The following ADAMTS12 variants were observed in gnomAD, a reference collection of about 807,000 sequenced individuals.
ADAMTS12 encodes the protein A disintegrin and metalloproteinase with thrombospondin motifs 12.
A neutral mutation model predicts 167.8 loss-of-function variants in ADAMTS12; 118 were observed. The ratio of observed to expected loss-of-function variants is 0.70; its 90% CI spans 0.61 to 0.82. The LOEUF (loss-of-function observed/expected upper bound fraction) is 0.82. Among genes scored for constraint, ADAMTS12 ranks in the 40% least tolerant of loss-of-function variants. The pLI is 0.00. For missense variants in ADAMTS12, 1,916 were observed against 1,998.8 expected, an observed-to-expected ratio of 0.96 and a Z score of 0.79; for synonymous variants, 704 against 716.9, an observed-to-expected ratio of 0.98 and a Z score of 0.29.
At chr5:33,815,274 G>A (rs1747605545) in intron 2 of ADAMTS12, among the ~76,000 whole-genome samples, 1 of 152,192 alleles carries the variant, frequency 6.6e-6, no homozygotes, top group Admixed American at 6.5e-5. Flanking sequence ...ATAGATTGAA[G>A]CCCCAATCCC....
In ADAMTS12 at chr5:33,617,216, C is replaced by CTT. The variant is rs71600917; in HGVS notation, c.2144-1146_2144-1145dup. On this transcript the variant is annotated intron_variant, in intron 14 of 23. Coordinates refer to ENST00000504830, the MANE Select transcript of ADAMTS12 (RefSeq NM_030955.4). Reference sequence around the variant, plus strand: ...AGTTAACTATTCTTTGTTCTTTCAACTTTTTTTTTTTTTTAAATATAAAAT... The same window carrying CTT: ...AGTTAACTATTCTTTGTTCTTTCAACTTTTTTTTTTTTTTTTAAATATAAAAT... Among the ~76,000 whole-genome samples, 268 of 144,764 alleles carry CTT rather than the reference C, an allele frequency of 1.9e-3. 3 individuals carry two copies. Among genetic ancestry groups the CTT allele is most frequent in the African/African-American group, 6.3e-3 (249 of 39,650 alleles). The allele number at this position is 144,764 out of a possible 152,430, so 95.0% of individuals were successfully genotyped here. A position where few individuals can be genotyped will look rare whatever the true frequency, so the allele number is the denominator to read the frequency against.
chr5:33,789,181 T>A (rs75819396), intron 2 of ADAMTS12, among the ~76,000 whole-genome samples: 26 of 145,656 alleles, frequency 1.8e-4, no homozygotes, highest in African/African-American at 5.6e-4. Context: ...GAAAGGTCTC[T>A]CACACACACT....
chr5:33,865,365 AC>A (rs1165453984), intron 2 of ADAMTS12, among the ~76,000 whole-genome samples: 1 of 152,148 alleles, frequency 6.6e-6, no homozygotes, highest in African/African-American at 2.4e-5. Context: ...AAAAACAAAA[AC>A]CATATGATCA....
In ADAMTS12 at chr5:33,587,296, A is replaced by G. The variant is rs145734593; in HGVS notation, c.2865+1303T>C. On this transcript the variant is annotated intron_variant, in intron 18 of 23. Transcript: ENST00000504830. ...CAATCTGTCACATATTTATCATCAA[A>G]TATTTTTTAAACACAAAGATTTTGA... 4.7e-3 allele frequency among the ~76,000 whole-genome samples: 711 copies of G among 152,298 alleles called. 5 individuals are homozygous for G. Among genetic ancestry groups the G allele is most frequent in the African/African-American group, 0.017 (690 of 41,560 alleles).
intron 3 of ADAMTS12, among the ~76,000 whole-genome samples, chr5:33,702,801 T>A (rs1416721670): frequency 6.6e-6 from 1 of 152,220 alleles, no homozygotes; most frequent in Admixed American, 6.5e-5. Flanking sequence ...ACCTCTTGAC[T>A]AGAAATTTCT....
intron 16 of ADAMTS12, among the ~76,000 whole-genome samples, chr5:33,606,055 C>T (rs1738423971): frequency 6.6e-6 from 1 of 152,166 alleles, no homozygotes; most frequent in African/African-American, 2.4e-5. Flanking sequence ...TCAAGCAAAT[C>T]TCCTCCCTCA....
intron 15 of ADAMTS12, among the ~76,000 whole-genome samples, chr5:33,614,915 T>C (rs73080384): frequency 0.018 from 2,697 of 152,294 alleles, 88 homozygotes; most frequent in African/African-American, 0.062. Context: ...ATTATGTTTG[T>C]TATTGTTGTC....
chr5:33,628,495 C>T (rs898386542), intron 13 of ADAMTS12, among the ~76,000 whole-genome samples: 1 of 152,130 alleles, frequency 6.6e-6, no homozygotes, highest in African/African-American at 2.4e-5. Context: ...TTGATAATTT[C>T]CTTGACAATA....
intron 3 of ADAMTS12, among the ~76,000 whole-genome samples, chr5:33,734,727 A>G (rs1005484760): frequency 1.8e-4 from 27 of 152,326 alleles, no homozygotes; most frequent in Admixed American, 4.6e-4. Context: ...GCCTGAGAGG[A>G]AGGGGCTATA....
intron 5 of ADAMTS12, among the ~76,000 whole-genome samples, chr5:33,676,961 C>T (rs1490875656): frequency 6.6e-6 from 1 of 152,102 alleles, no homozygotes; most frequent in East Asian, 1.9e-4. Flanking sequence ...GCTGTCAGCC[C>T]TACTGCTGTA....
At chr5:33,573,677 T>C (rs576854687) in intron 19 of ADAMTS12, among the ~76,000 whole-genome samples, 12 of 152,274 alleles carry the variant, frequency 7.9e-5, no homozygotes, top group Non-Finnish European at 1.3e-4. Context: ...ATTCAGGACA[T>C]AGGCATGGGC....
intron 9 of ADAMTS12, among the ~76,000 whole-genome samples, chr5:33,646,980 A>G (rs932200015): frequency 5.3e-5 from 8 of 152,182 alleles, no homozygotes; most frequent in African/African-American, 1.9e-4. Flanking sequence ...TTAAATATGC[A>G]TAATTGGACA....
At chr5:33,626,276 G>C (rs1561177749) in intron 13 of ADAMTS12, among the ~76,000 whole-genome samples, 1 of 151,616 alleles carries the variant, frequency 6.6e-6, no homozygotes, top group South Asian at 2.1e-4. Context: ...AGTGGTGGGG[G>C]TGGTGGTGGT....
chr5:33,800,366 G>A (rs1387433323), intron 2 of ADAMTS12, among the ~76,000 whole-genome samples: 2 of 152,160 alleles, frequency 1.3e-5, no homozygotes, highest in Non-Finnish European at 2.9e-5. Flanking sequence ...AATCAGGACC[G>A]GAAGACATGA....
At chr5:33,807,860 A>G (rs112459367) in intron 2 of ADAMTS12, among the ~76,000 whole-genome samples, 2 of 152,188 alleles carry the variant, frequency 1.3e-5, no homozygotes, top group African/African-American at 4.8e-5. Context: ...AGGAGAGTGC[A>G]GTTATCTGAC....
At chr5:33,530,269 T>G (rs75115321) in intron 23 of ADAMTS12, among the ~76,000 whole-genome samples, 1 of 152,168 alleles carries the variant, frequency 6.6e-6, no homozygotes, top group African/African-American at 2.4e-5. Flanking sequence ...AAATTCAACT[T>G]CAGAGAGTAC....
chr5:33,756,682 A>C (rs1745179559), intron 2 of ADAMTS12, among the ~76,000 whole-genome samples: 1 of 152,122 alleles, frequency 6.6e-6, no homozygotes, highest in Non-Finnish European at 1.5e-5. Context: ...TCATCAATTC[A>C]TGAAGATTTT....
At chr5:33,854,008 T>C (rs1453107332) in intron 2 of ADAMTS12, among the ~76,000 whole-genome samples, 1 of 152,214 alleles carries the variant, frequency 6.6e-6, no homozygotes, top group African/African-American at 2.4e-5. Context: ...TGAGCTCAGC[T>C]CCTCCAACTC....
rs764620552 is a variant in ADAMTS12, at chr5:33,614,372, A to G, written c.2393T>C (p.Leu798Pro). The change falls in exon 16 of 24, where the codon CTA becomes CCA. Residue 798 changes from leucine to proline, a missense_variant. Coordinates refer to ENST00000504830, the MANE Select transcript of ADAMTS12 (RefSeq NM_030955.4). Reference protein sequence around the residue: ...PTNESVWIQLLFQVTNPGIKY... With the variant: ...PTNESVWIQLPFQVTNPGIKY... ...GATGCCAGGGTTAGTCACCTGGAAT[A>G]GAAGCTAAAAGGCAAGAGAGGGGTC... The G allele has an allele frequency of 3.1e-6, 5 of 1,614,052 alleles. No homozygotes were observed. In the Admixed American group the frequency reaches 8.3e-5, roughly 27 times the overall value.
Sources: allele counts gnomAD v4.1 joint callset (sites outside exome capture counted in the v4.1 genomes callset), GRCh38; gene constraint gnomAD v4.1.1; transcripts MANE v1.5; gene names NCBI Gene and HGNC (gene_info 2026-07-23, HGNC 2026-07-21).